PMF1: variants seen among roughly 807,000 people sequenced by gnomAD.
PMF1 encodes the protein polyamine-modulated factor 1.
PMF1 carries 21 observed loss-of-function variants against 26.7 expected under a neutral mutation model. That is an observed-to-expected ratio of 0.79 (90% CI 0.56 to 1.13). PMF1 has a LOEUF of 1.13. Ranked by LOEUF, PMF1 falls within the 50% of genes most tolerant of loss-of-function variation. The pLI is 0.00. For synonymous variants in PMF1, 105 were observed against 101.0 expected (o/e 1.04, Z -0.24); for missense variants, 266 against 254.9 (o/e 1.04, Z -0.30).
chr1:156,236,842 A>C, intron 4 of PMF1: 1 of 269,032 alleles, frequency 3.7e-6, no homozygotes, highest in Non-Finnish European at 7.1e-6. Context: ...ACTGCCCAAC[A>C]TAGATATATA....
chr1:156,227,766 G>C (rs1658449699), intron 1 of PMF1, among the ~76,000 whole-genome samples: 1 of 151,886 alleles, frequency 6.6e-6, no homozygotes, highest in South Asian at 2.1e-4. Flanking sequence ...CCAAAGTGCT[G>C]GGATAACAGG....
intron 1 of PMF1, among the ~76,000 whole-genome samples, chr1:156,228,256 A>AT (rs772709878): frequency 0.17 from 5,570 of 33,338 alleles, 1,623 homozygotes; most frequent in African/African-American, 0.26. Flanking sequence ...GCACCTGGCG[A>AT]TTTTTTTTTT....
chr1:156,231,675 C>T (rs899309759), intron 1 of PMF1, among the ~76,000 whole-genome samples: 8 of 152,128 alleles, frequency 5.3e-5, no homozygotes, highest in Non-Finnish European at 1.0e-4. Context: ...TGCACTCCAG[C>T]CGGGTGACAG....
chr1:156,228,405 T>G (rs1658510085), intron 1 of PMF1, among the ~76,000 whole-genome samples: 1 of 151,858 alleles, frequency 6.6e-6, no homozygotes, highest in South Asian at 2.1e-4. Flanking sequence ...CTTCCTGTAC[T>G]CACTGACACT....
intron 1 of PMF1, among the ~76,000 whole-genome samples, chr1:156,225,322 T>C (rs192237828): frequency 2.0e-4 from 30 of 150,488 alleles, no homozygotes; most frequent in African/African-American, 7.1e-4. Flanking sequence ...TTCAGTAGTT[T>C]TTTGGGGAAC....
chr1:156,229,954 T>A (rs991860647), intron 1 of PMF1, among the ~76,000 whole-genome samples: 1 of 152,164 alleles, frequency 6.6e-6, no homozygotes, highest in Non-Finnish European at 1.5e-5. Context: ...TGGCCCAGAG[T>A]TCCTGGAAAT....
chr1:156,213,148 T>C lies in PMF1; in HGVS notation c.133T>C (p.Phe45Leu). Reference sequence around the variant, plus strand: ...GCTCCTCGACACCATGGTGGACACTTTTCTTCAGAAGCTGGTCGCCGCCGG... The same window carrying C: ...GCTCCTCGACACCATGGTGGACACTCTTCTTCAGAAGCTGGTCGCCGCCGG... Reference protein sequence around the residue: ...VKLLDTMVDTFLQKLVAAGSY... With the variant: ...VKLLDTMVDTLLQKLVAAGSY... The change falls in exon 1 of 5, where the codon TTT (phenylalanine) becomes CTT (leucine). Residue 45 changes from phenylalanine (F) to leucine (L), a missense_variant. Coordinates refer to ENST00000368277, the MANE Select transcript of PMF1 (RefSeq NM_007221.4). The C allele has an allele frequency of 6.2e-7, 1 of 1,613,886 alleles. No homozygotes were observed. The highest frequency in any genetic ancestry group is 8.5e-7 in the Non-Finnish European group (1 of 1,179,792).
intron 1 of PMF1, among the ~76,000 whole-genome samples, chr1:156,220,482 G>A (rs1032230880): frequency 2.0e-5 from 3 of 152,084 alleles, no homozygotes; most frequent in Non-Finnish European, 2.9e-5. Context: ...CTAAAGGGCC[G>A]GGATTACGGG....
Position 156,232,449 on chromosome 1 carries a change from G to T in PMF1, c.267+24G>T, listed in dbSNP as rs368727577. ...GGGTGAGTGGCGGGAAGCCTGGCAGGTGCTGTTGACTTGGGTTCTGTCTCC... is the reference window on the plus strand; with the variant it reads ...GGGTGAGTGGCGGGAAGCCTGGCAGTTGCTGTTGACTTGGGTTCTGTCTCC... On this transcript the variant is annotated intron_variant, in intron 2 of 4. Coordinates refer to ENST00000368277, the MANE Select transcript of PMF1 (RefSeq NM_007221.4). 1.7e-4 allele frequency: 277 copies of T among 1,610,752 alleles called. No homozygotes were observed. In the African/African-American group the frequency reaches 3.4e-3, roughly 20 times the overall value.
intron 1 of PMF1, among the ~76,000 whole-genome samples, chr1:156,221,844 C>A (rs901972232): frequency 1.1e-4 from 17 of 152,188 alleles, no homozygotes; most frequent in Non-Finnish European, 2.2e-4. Context: ...GCCTGTCCAT[C>A]CCTTTCACTT....
chr1:156,236,998 C>T (rs556283207), intron 4 of PMF1: 1 of 157,814 alleles, frequency 6.3e-6, no homozygotes, highest in South Asian at 1.9e-4. Context: ...GTGCAGTGAT[C>T]AAGTCAGGGT....
At chr1:156,217,473 C>T (rs536753243) in intron 1 of PMF1, among the ~76,000 whole-genome samples, 1 of 152,168 alleles carries the variant, frequency 6.6e-6, no homozygotes, top group South Asian at 2.1e-4. Flanking sequence ...CGCTTGTAAT[C>T]CCAGCACTTT....
chr1:156,238,961 A>G (rs902747663), intron 4 of PMF1, among the ~76,000 whole-genome samples: 3 of 151,498 alleles, frequency 2.0e-5, no homozygotes, highest in Non-Finnish European at 4.4e-5. Flanking sequence ...CCCCCTGCTG[A>G]GTCCTCAGGC....
chr1:156,215,036 G>A (rs1657624248), intron 1 of PMF1, among the ~76,000 whole-genome samples: 1 of 151,652 alleles, frequency 6.6e-6, no homozygotes. Context: ...TGCTACCACG[G>A]CCAGCTAATT....
chr1:156,231,347 G>A (rs1476398991), intron 1 of PMF1, among the ~76,000 whole-genome samples: 3 of 151,946 alleles, frequency 2.0e-5, no homozygotes, highest in Non-Finnish European at 1.5e-5. Context: ...GGTTGCAGTG[G>A]GCTCTGATTG....
intron 4 of PMF1, among the ~76,000 whole-genome samples, chr1:156,238,330 T>C (rs1659156108): frequency 6.6e-6 from 1 of 152,240 alleles, no homozygotes; most frequent in Non-Finnish European, 1.5e-5. Flanking sequence ...ACACATATCC[T>C]CCATGCCACA....
chr1:156,234,710 T>C (rs939640974), intron 3 of PMF1, among the ~76,000 whole-genome samples: 4 of 152,074 alleles, frequency 2.6e-5, no homozygotes, highest in Admixed American at 6.6e-5. Context: ...GGTTTCACCA[T>C]GTTGGCCAGG....
chr1:156,229,332 A>G (rs1448585733), intron 1 of PMF1, among the ~76,000 whole-genome samples: 2 of 152,014 alleles, frequency 1.3e-5, no homozygotes, highest in Admixed American at 6.6e-5. Flanking sequence ...GCTTACAACC[A>G]GCTCTCTGAA....
intron 1 of PMF1, among the ~76,000 whole-genome samples, chr1:156,219,045 G>A (rs1448095723): frequency 6.6e-6 from 1 of 151,374 alleles, no homozygotes; most frequent in Non-Finnish European, 1.5e-5. Context: ...AGCCTCCCAA[G>A]TAGCTGGGAC....
Sources: allele counts gnomAD v4.1 joint callset (sites outside exome capture counted in the v4.1 genomes callset), GRCh38; gene constraint gnomAD v4.1.1; transcripts MANE v1.5; gene names NCBI Gene and HGNC (gene_info 2026-07-23, HGNC 2026-07-21).